Variants in TMEM192 observed in about 807,000 individuals in gnomAD.
TMEM192 encodes the protein transmembrane protein 192.
TMEM192 carries 20 observed loss-of-function variants against 26.7 expected under a neutral mutation model. The ratio of observed to expected loss-of-function variants is 0.75; its 90% CI spans 0.53 to 1.09. The LOEUF is 1.09. Among genes scored for constraint, TMEM192 ranks in the 50% least tolerant of loss-of-function variants. TMEM192 has a pLI of 0.00. For synonymous variants in TMEM192, 124 were observed against 121.0 expected (o/e 1.02, Z -0.16); for missense variants, 304 against 322.6 (o/e 0.94, Z 0.44).
rs1352661044 is a variant in TMEM192 at position 165,082,072 on chromosome 4, C to T, written c.678-2276G>A. On this transcript the variant is annotated intron_variant, in intron 5 of 5. Transcript: ENST00000306480. Reference sequence around the variant, plus strand: ...GCAACCTCCGCCTCCAGGGTTCCCGCGATTCTCCTGCCTCACCCTCCCGAG... The same window carrying T: ...GCAACCTCCGCCTCCAGGGTTCCCGTGATTCTCCTGCCTCACCCTCCCGAG... Among the ~76,000 whole-genome samples the T allele has an allele frequency of 1.9e-4, 7 of 36,156 alleles. 3 individuals are homozygous for T. The highest frequency in any genetic ancestry group is 4.5e-3 in the East Asian group (2 of 448). 23.7% of individuals were successfully genotyped at this position (36,156 alleles called of 152,430 possible).
intron 2 of TMEM192, among the ~76,000 whole-genome samples, chr4:165,101,572 C>T (rs1041707441): frequency 6.6e-6 from 1 of 152,066 alleles, no homozygotes; most frequent in African/African-American, 2.4e-5. Context: ...CTTGCTATGG[C>T]ACCCAGGCTG....
intron 1 of TMEM192, among the ~76,000 whole-genome samples, chr4:165,112,418 A>T (rs1024017246): frequency 2.0e-5 from 3 of 152,136 alleles, no homozygotes; most frequent in Non-Finnish European, 4.4e-5. Context: ...GCATCACGTG[A>T]AGCTGCCAGT....
rs535214110 is a variant in TMEM192 at position 165,089,382 on chromosome 4, G to A, written c.440-780C>T. Among the ~76,000 whole-genome samples, 15 of 152,140 alleles carry A rather than the reference G, an allele frequency of 9.9e-5. No homozygotes were observed. The South Asian group carries it at 1.9e-3, about 19-fold the overall frequency. On this transcript the variant is annotated intron_variant, in intron 3 of 5. Coordinates refer to ENST00000306480, the MANE Select transcript of TMEM192 (RefSeq NM_001100389.2). ...GTCGCCCAGGCTGGAGTGCAGTGGC[G>A]CTATCTCGGCTCACTGCAAGCTCCA...
chr4:165,092,807 G>A (rs1560930040), intron 3 of TMEM192, among the ~76,000 whole-genome samples: 1 of 151,930 alleles, frequency 6.6e-6, no homozygotes, highest in African/African-American at 2.4e-5. Context: ...AGGAGTTTGA[G>A]GCTACACTGA....
chr4:165,085,744 T>G, intron 4 of TMEM192, 56 bp from the exon 5 acceptor site: 1 of 1,312,986 alleles, frequency 7.6e-7, no homozygotes, highest in Non-Finnish European at 1.1e-6. Flanking sequence ...CTAGTTTCAT[T>G]TTTTCAAATT....
intron 2 of TMEM192, 124 bp from the exon 3 acceptor site, chr4:165,101,016 G>A (rs1379251271): frequency 5.1e-5 from 54 of 1,051,444 alleles, no homozygotes; most frequent in African/African-American, 2.3e-4. Flanking sequence ...TCACTCTGTC[G>A]CCCAGGCTGG....
rs1012351140 is a variant in TMEM192, at chr4:165,072,779, A to AG, written c.*6878dup. On this transcript the variant is annotated 3_prime_UTR_variant, in exon 6 of 6. Transcript: ENST00000306480. ...TGGAAGAGACTGTGGCAGATAGCTC[A>AG]GCTGGGGACATGTTCTGTTTGAGGT... is the stretch of plus-strand genomic sequence containing the variant. 5.9e-5 allele frequency: 9 copies of AG among 152,446 alleles called. No homozygotes were observed. The highest frequency in any genetic ancestry group is 2.2e-4 in the African/African-American group (9 of 41,570). The allele number at this position is 152,446 out of a possible 1,614,324, so 9.4% of individuals were successfully genotyped here.
Position 165,073,521 on chromosome 4 carries a change from G to A in TMEM192, c.*6137C>T, listed in dbSNP as rs373906602. The A allele has an allele frequency of 6.6e-6, 1 of 152,150 alleles. No individual in the cohort carries two copies. The highest frequency in any genetic ancestry group is 2.4e-5 in the African/African-American group (1 of 41,434). 9.4% of individuals were successfully genotyped at this position (152,150 alleles called of 1,614,324 possible). A position where few individuals can be genotyped will look rare whatever the true frequency, so the allele number is the denominator to read the frequency against. Reference sequence around the variant, plus strand: ...GATACGGCCTCGTGGGAAAGGAAAGGCCTTACCATCCCCCAGCCCGACACC... The same window carrying A: ...GATACGGCCTCGTGGGAAAGGAAAGACCTTACCATCCCCCAGCCCGACACC... On this transcript the variant is annotated 3_prime_UTR_variant, in exon 6 of 6. Coordinates refer to ENST00000306480, the MANE Select transcript of TMEM192 (RefSeq NM_001100389.2).
chr4:165,101,536 T>A (rs1390135354), intron 2 of TMEM192, among the ~76,000 whole-genome samples: 3 of 152,012 alleles, frequency 2.0e-5, no homozygotes, highest in Non-Finnish European at 2.9e-5. Flanking sequence ...CTGGCCAATT[T>A]TAAGAAGTTT....
At chr4:165,100,940 G>A (rs1229157483) in intron 2 of TMEM192, 48 bp from the exon 3 acceptor site, 1 of 1,484,150 alleles carries the variant, frequency 6.7e-7, no homozygotes, top group Non-Finnish European at 9.0e-7. Context: ...TTTGTAATTA[G>A]GAAGCAATAA....
chr4:165,108,389 G>A (rs191221497), intron 1 of TMEM192, among the ~76,000 whole-genome samples: 57 of 152,092 alleles, frequency 3.7e-4, no homozygotes, highest in Middle Eastern at 3.4e-3. Context: ...TCAAAGTGCC[G>A]GGATTACAGG....
chr4:165,100,461 AAAAG>A (rs1735012658), intron 3 of TMEM192, among the ~76,000 whole-genome samples, 163 bp downstream of exon 3: 1 of 152,156 alleles, frequency 6.6e-6, no homozygotes, highest in East Asian at 1.9e-4. Flanking sequence ...CCCGGCCAAG[AAAAG>A]CTTTAAGACA....
chr4:165,108,368 G>A (rs1038232194), intron 1 of TMEM192, among the ~76,000 whole-genome samples: 4 of 151,866 alleles, frequency 2.6e-5, no homozygotes, highest in Admixed American at 1.3e-4. Context: ...TGATCCGCTC[G>A]CCTCAGCCTC....
In TMEM192 at chr4:165,112,806, C is replaced by A. The variant is rs748711398; in HGVS notation, c.-33G>T. 8 of 1,601,582 alleles carry A rather than the reference C, an allele frequency of 5.0e-6. No individual in the cohort carries two copies. The South Asian group carries it at 7.7e-5, about 15-fold the overall frequency. Reference sequence around the variant, plus strand: ...CGCCGGAGGCCGAAGCCCTGGCCAGCCCGGCCTCTCCACCTGGACCTGTAA... The same window carrying A: ...CGCCGGAGGCCGAAGCCCTGGCCAGACCGGCCTCTCCACCTGGACCTGTAA... On this transcript the variant is annotated 5_prime_UTR_variant, in exon 1 of 6. Transcript: ENST00000306480.
intron 3 of TMEM192, among the ~76,000 whole-genome samples, chr4:165,094,148 G>A (rs529974728): frequency 3.9e-4 from 59 of 152,076 alleles, no homozygotes; most frequent in East Asian, 5.8e-4. Flanking sequence ...TGATCTGCCC[G>A]CCTTGGCCTC....
rs1734365487 is a variant in TMEM192, at chr4:165,075,789, C to CT, written c.*3868dup. The stretch of plus-strand genomic sequence containing the variant: ...TTCACCATCTTGGCCAGGCTGGTCT[C>CT]TAACTCCTGACCTTGTGATCCACCC... On this transcript the variant is annotated 3_prime_UTR_variant, in exon 6 of 6. Transcript: ENST00000306480. 1 of 152,108 alleles carries CT rather than the reference C, an allele frequency of 6.6e-6. No individual in the cohort carries two copies. Among genetic ancestry groups the CT allele is most frequent in the Non-Finnish European group, 1.5e-5 (1 of 68,040 alleles). The allele number at this position is 152,108 out of a possible 1,614,324, so 9.4% of individuals were successfully genotyped here.
rs1734439631 is a variant in TMEM192 at position 165,078,488 on chromosome 4, A to G, written c.*1170T>C. On this transcript the variant is annotated 3_prime_UTR_variant, in exon 6 of 6. Coordinates refer to ENST00000306480, the MANE Select transcript of TMEM192 (RefSeq NM_001100389.2). ...ACTTAATATGCATTTCTTCCATTAC[A>G]ATTTTTAAGTATAATCCAAGGCTTT... 1 of 152,238 alleles carries G rather than the reference A, an allele frequency of 6.6e-6. No individual in the cohort carries two copies. Among genetic ancestry groups the G allele is most frequent in the African/African-American group, 2.4e-5 (1 of 41,480 alleles). The allele number at this position is 152,238 out of a possible 1,614,324, so 9.4% of individuals were successfully genotyped here. A position where few individuals can be genotyped will look rare whatever the true frequency, so the allele number is the denominator to read the frequency against.
chr4:165,103,812 G>A (rs1051395258), intron 1 of TMEM192, among the ~76,000 whole-genome samples: 10 of 152,108 alleles, frequency 6.6e-5, no homozygotes, highest in East Asian at 1.9e-4. Flanking sequence ...ATGAGCCACC[G>A]TGCCCGGCAC....
At chr4:165,089,897 A>G (rs1054757942) in intron 3 of TMEM192, among the ~76,000 whole-genome samples, 25 of 151,718 alleles carry the variant, frequency 1.6e-4, no homozygotes, top group African/African-American at 5.3e-4. Flanking sequence ...AGTTCCTAAA[A>G]CCCTTGGAAT....
Sources: gnomAD v4.1 joint callset for allele counts (sites outside exome capture counted in the v4.1 genomes callset) on GRCh38, gnomAD v4.1.1 for gene constraint, MANE v1.5 for transcripts, NCBI Gene and HGNC (gene_info 2026-07-23, HGNC 2026-07-21) for gene names.